The following LARP1 variants were observed in gnomAD, a reference collection of about 807,000 sequenced individuals.
LARP1 encodes the protein la-related protein 1.
LARP1 carries 36 observed loss-of-function variants against 122.7 expected under a neutral mutation model. That is an observed-to-expected ratio of 0.29 (90% confidence interval 0.22 to 0.39). LARP1 has a LOEUF of 0.39. LARP1 is among the 10% of genes least tolerant of loss of function. The pLI is 1.00. For missense variants in LARP1, 1,040 were observed against 1,403.6 expected (o/e 0.74, Z 4.14); for synonymous variants, 539 against 528.7 (o/e 1.02, Z -0.27).
intron 1 of LARP1, among the ~76,000 whole-genome samples, chr5:154,740,064 A>G (rs566728543): frequency 1.5e-4 from 23 of 150,706 alleles, no homozygotes; most frequent in South Asian, 1.3e-3. Flanking sequence ...GGTCCCAAGA[A>G]AAAACACACC....
chr5:154,691,447 GC>G (rs1214785799), intron 1 of LARP1, among the ~76,000 whole-genome samples: 15 of 152,136 alleles, frequency 9.9e-5, no homozygotes, highest in Admixed American at 2.0e-4. Context: ...CGACGTGGCC[GC>G]CTGGCCGCCG....
At chr5:154,754,909 G>A (rs1753707415), upstream of LARP1, among the ~76,000 whole-genome samples, 1 of 152,166 alleles carries the variant, frequency 6.6e-6, no homozygotes, top group Admixed American at 6.5e-5. Context: ...GACACTAATG[G>A]CTCCTTCCCC....
At chr5:154,702,633 T>C (rs971099625) in intron 1 of LARP1, among the ~76,000 whole-genome samples, 1 of 152,022 alleles carries the variant, frequency 6.6e-6, no homozygotes, top group Non-Finnish European at 1.5e-5. Flanking sequence ...GCAAAAGGCA[T>C]TGATAGCAAC....
At chr5:154,742,555 CA>C (rs1187404383) in intron 1 of LARP1, among the ~76,000 whole-genome samples, 1 of 150,736 alleles carries the variant, frequency 6.6e-6, no homozygotes, top group African/African-American at 2.4e-5. Flanking sequence ...GACCCTGTCT[CA>C]AAAAAAATGT....
intron 1 of LARP1, among the ~76,000 whole-genome samples, chr5:154,778,394 A>G (rs1281791717): frequency 6.6e-6 from 1 of 152,152 alleles, no homozygotes; most frequent in African/African-American, 2.4e-5. Context: ...TGTACAGAGA[A>G]AACCTACCTT....
chr5:154,767,511 C>T (rs577995113), intron 1 of LARP1, among the ~76,000 whole-genome samples: 5 of 152,138 alleles, frequency 3.3e-5, no homozygotes, highest in African/African-American at 4.8e-5. Context: ...CCTAGGCTGG[C>T]TCAAGCAACT....
chr5:154,773,393 G>A (rs569733565), intron 1 of LARP1, among the ~76,000 whole-genome samples: 1 of 152,280 alleles, frequency 6.6e-6, no homozygotes, highest in African/African-American at 2.4e-5. Context: ...GAAAGGTTAA[G>A]GAACTGTGGC....
At chr5:154,719,349 A>G (rs1755713412) in intron 1 of LARP1, among the ~76,000 whole-genome samples, 1 of 152,190 alleles carries the variant, frequency 6.6e-6, no homozygotes, top group South Asian at 2.1e-4. Context: ...TCTGGAAGAG[A>G]AGTCCTAGGA....
intron 1 of LARP1, among the ~76,000 whole-genome samples, chr5:154,784,361 A>C (rs930823159): frequency 2.0e-5 from 3 of 152,168 alleles, no homozygotes; most frequent in African/African-American, 7.2e-5. Context: ...TGGGAGGTCT[A>C]CCCGAAGGAG....
intron 1 of LARP1, among the ~76,000 whole-genome samples, chr5:154,731,755 C>T (rs896258038): frequency 2.6e-5 from 4 of 152,148 alleles, no homozygotes; most frequent in East Asian, 1.9e-4. Context: ...GATGAGCCAG[C>T]GGGGTGGCTC....
chr5:154,716,679 C>A (rs769828452), intron 1 of LARP1, among the ~76,000 whole-genome samples: 15 of 152,302 alleles, frequency 9.8e-5, no homozygotes, highest in Admixed American at 2.0e-4. Context: ...CAACTTTTGA[C>A]CTCAAGTGAT....
chr5:154,817,145 T>C lies in LARP1; in HGVS notation c.*3049T>C, dbSNP rs1284089021. The C allele has an allele frequency of 6.6e-6, 1 of 152,082 alleles. No individual in the cohort carries two copies. Among genetic ancestry groups the C allele is most frequent in the Non-Finnish European group, 1.5e-5 (1 of 68,044 alleles). 9.4% of individuals were successfully genotyped at this position (152,082 alleles called of 1,614,324 possible). ...GACTAGTTACGGAGGGTGAGGGTTG[T>C]TTTTTGCCAAAAAGCCTGGGTAGAG... On this transcript the variant is annotated 3_prime_UTR_variant, in exon 19 of 19. Transcript: ENST00000518297.
At chr5:154,705,117 CAA>C (rs35003168) in intron 1 of LARP1, among the ~76,000 whole-genome samples, 3 of 107,212 alleles carry the variant, frequency 2.8e-5, no homozygotes, top group Non-Finnish European at 3.6e-5. Flanking sequence ...GACTCCGTCT[CAA>C]AAAAAAAAAA....
At chr5:154,715,431 A>T (rs1417065896) in intron 1 of LARP1, among the ~76,000 whole-genome samples, 1 of 151,494 alleles carries the variant, frequency 6.6e-6, no homozygotes, top group Admixed American at 6.6e-5. Context: ...CGCTCAGCTC[A>T]TTTTGTATTT....
chr5:154,684,974 G>A (rs142367976), intron 1 of LARP1, among the ~76,000 whole-genome samples: 1,717 of 152,182 alleles, frequency 0.011, 25 homozygotes, highest in African/African-American at 0.039. Context: ...GGCTGGGCGC[G>A]GTGGCTCATG....
At chr5:154,695,600 C>T (rs112446905) in intron 1 of LARP1, among the ~76,000 whole-genome samples, 14,041 of 151,494 alleles carry the variant, frequency 0.093, 1,073 homozygotes, top group African/African-American at 0.2. Flanking sequence ...GAGGTTGTAG[C>T]GAGCCAAGAT....
At position 154,817,017 on chromosome 5, in the gene LARP1, C is replaced by CT. The variant is rs879086520; in HGVS notation, c.*2936dup. ...GTTTTTGTTTTGTTCCATTGTAGCT[C>CT]TTTTTTTTTTTTTTTCCCCTTTCCT... On this transcript the variant is annotated 3_prime_UTR_variant, in exon 19 of 19. Coordinates refer to ENST00000518297, the MANE Select transcript of LARP1 (RefSeq NM_033551.3). 0.027 allele frequency: 3,765 copies of CT among 139,876 alleles called. 130 individuals carry two copies. The highest frequency in any genetic ancestry group is 0.085 in the African/African-American group (3,257 of 38,174). 8.7% of individuals were successfully genotyped at this position (139,876 alleles called of 1,614,324 possible).
chr5:154,683,350 T>G lies in LARP1; in HGVS notation c.-180+313T>G, dbSNP rs150741244. 3.5e-3 allele frequency among the ~76,000 whole-genome samples: 525 copies of G among 151,578 alleles called. 5 individuals are homozygous for G. Among genetic ancestry groups the G allele is most frequent in the African/African-American group, 0.012 (505 of 40,846 alleles). On this transcript the variant is annotated intron_variant, in intron 1 of 18. Transcript: ENST00000687700. ...TTATTTGGCTCACACAGTGTTGTGT[T>G]TGTTTGTTCTGAAGTTTTAACTATT...
At position 154,816,723 on chromosome 5, in the gene LARP1, A is replaced by C. The variant is rs1022033243; in HGVS notation, c.*2627A>C. ...ACCTACCATCGTCCCATGGGGATCC[A>C]AGACCTGAGATAAAGCAACAGCCTG... On this transcript the variant is annotated 3_prime_UTR_variant, in exon 19 of 19. Coordinates refer to ENST00000518297, the MANE Select transcript of LARP1 (RefSeq NM_033551.3). 8 of 152,512 alleles carry C rather than the reference A, an allele frequency of 5.2e-5. No individual in the cohort carries two copies. Among genetic ancestry groups the C allele is most frequent in the African/African-American group, 1.9e-4 (8 of 41,464 alleles). The allele number at this position is 152,512 out of a possible 1,614,324, so 9.4% of individuals were successfully genotyped here.
Sources: allele counts gnomAD v4.1 joint callset (sites outside exome capture counted in the v4.1 genomes callset), GRCh38; gene constraint gnomAD v4.1.1; transcripts MANE v1.5; gene names NCBI Gene and HGNC (gene_info 2026-07-23, HGNC 2026-07-21).